The following LDB2 variants were observed in gnomAD, a reference collection of about 807,000 sequenced individuals.
LDB2 encodes the protein LIM domain-binding protein 2.
A neutral mutation model predicts 44.3 loss-of-function variants in LDB2; 12 were observed. The observed-to-expected ratio is 0.27, with a 90% CI of 0.17 to 0.44. LDB2 has a LOEUF of 0.44. Among genes scored for constraint, LDB2 ranks in the 20% least tolerant of loss-of-function variants. LDB2 has a pLI of 1.00. For synonymous variants in LDB2, 164 were observed against 174.8 expected (o/e 0.94, Z 0.49); for missense variants, 344 against 473.5 (o/e 0.73, Z 2.54).
intron 5 of LDB2, among the ~76,000 whole-genome samples, chr4:16,577,646 C>T (rs1234431153): frequency 6.6e-6 from 1 of 152,076 alleles, no homozygotes; most frequent in Non-Finnish European, 1.5e-5. Context: ...CCATACTACC[C>T]AAAGCAATCT....
chr4:16,774,758 T>C (rs1159822929), intron 1 of LDB2, among the ~76,000 whole-genome samples: 1 of 152,180 alleles, frequency 6.6e-6, no homozygotes, highest in African/African-American at 2.4e-5. Flanking sequence ...TTTGTGTTTG[T>C]GTGTGCATGT....
At chr4:16,809,231 T>C (rs1779324636) in intron 1 of LDB2, among the ~76,000 whole-genome samples, 1 of 152,178 alleles carries the variant, frequency 6.6e-6, no homozygotes, top group East Asian at 1.9e-4. Context: ...GATATTGACA[T>C]TGTGAGGTTT....
At chr4:16,829,440 CAATT>C (rs1404248085) in intron 1 of LDB2, among the ~76,000 whole-genome samples, 1 of 152,098 alleles carries the variant, frequency 6.6e-6, no homozygotes, top group African/African-American at 2.4e-5. Context: ...TTTGAAAACA[CAATT>C]TATTTTTTAA....
rs1007391472 is a variant in LDB2, at chr4:16,756,897, C to T, written c.235+2261G>A. 3.4e-5 allele frequency among the ~76,000 whole-genome samples: 5 copies of T among 148,566 alleles called. No homozygotes were observed. The East Asian group carries it at 9.7e-4, about 29-fold the overall frequency. On this transcript the variant is annotated intron_variant, in intron 2 of 7. Coordinates refer to ENST00000304523, the MANE Select transcript of LDB2 (RefSeq NM_001290.5). Reference sequence around the variant, plus strand: ...AATGAAAAGTTTTTTCTAGTAAAGGCTAAAAAAAAAACCCTCAGCTAAAAT... The same window carrying T: ...AATGAAAAGTTTTTTCTAGTAAAGGTTAAAAAAAAAACCCTCAGCTAAAAT...
At chr4:16,886,730 A>T (rs1039935244) in intron 1 of LDB2, among the ~76,000 whole-genome samples, 1 of 152,038 alleles carries the variant, frequency 6.6e-6, no homozygotes, top group African/African-American at 2.4e-5. Flanking sequence ...ATAGCATGAC[A>T]CTAAAGATCA....
At chr4:16,605,185 T>G (rs1002591691) in intron 2 of LDB2, among the ~76,000 whole-genome samples, 5 of 152,204 alleles carry the variant, frequency 3.3e-5, no homozygotes, top group African/African-American at 1.2e-4. Context: ...AGCTCTTGAT[T>G]AGTGATCATG....
At chr4:16,598,128 C>A (rs1721515155) in intron 2 of LDB2, among the ~76,000 whole-genome samples, 1 of 152,148 alleles carries the variant, frequency 6.6e-6, no homozygotes. Flanking sequence ...GGTATTCACG[C>A]CCTTGTGTAC....
intron 2 of LDB2, among the ~76,000 whole-genome samples, chr4:16,611,901 T>C (rs560150818): frequency 1.1e-4 from 17 of 152,216 alleles, no homozygotes; most frequent in Middle Eastern, 3.4e-3. Context: ...CCTAAATCAA[T>C]AGAATATACA....
intron 5 of LDB2, among the ~76,000 whole-genome samples, chr4:16,549,119 A>G (rs1736781174): frequency 6.6e-6 from 1 of 152,216 alleles, no homozygotes; most frequent in South Asian, 2.1e-4. Context: ...TTTTCTAGAT[A>G]TCATAGAGCT....
chr4:16,677,752 C>T (rs191903170), intron 2 of LDB2, among the ~76,000 whole-genome samples: 1 of 152,300 alleles, frequency 6.6e-6, no homozygotes, highest in Non-Finnish European at 1.5e-5. Flanking sequence ...GCCAGATGGG[C>T]TGCCAGGAAA....
chr4:16,505,690 G>A (rs1577225183), intron 7 of LDB2: 4 of 606,472 alleles, frequency 6.6e-6, no homozygotes, highest in East Asian at 6.2e-5. Context: ...GTGTGTCCAC[G>A]AGAGACAACA....
chr4:16,518,360 A>G (rs1724635546), intron 5 of LDB2, among the ~76,000 whole-genome samples: 1 of 152,166 alleles, frequency 6.6e-6, no homozygotes, highest in African/African-American at 2.4e-5. Flanking sequence ...GGCTCTGTCT[A>G]CCATCAACAT....
At chr4:16,742,427 G>A (rs978861900) in intron 2 of LDB2, among the ~76,000 whole-genome samples, 1 of 152,064 alleles carries the variant, frequency 6.6e-6, no homozygotes, top group Admixed American at 6.6e-5. Flanking sequence ...AACTCCAGCT[G>A]GTTTAATGTG....
intron 1 of LDB2, among the ~76,000 whole-genome samples, chr4:16,768,064 T>C (rs1769758887): frequency 6.6e-6 from 1 of 152,216 alleles, no homozygotes; most frequent in Non-Finnish European, 1.5e-5. Context: ...ACGTGGGATT[T>C]TTGCCAGAGT....
At chr4:16,557,291 G>T (rs988588289) in intron 5 of LDB2, among the ~76,000 whole-genome samples, 14 of 152,206 alleles carry the variant, frequency 9.2e-5, no homozygotes, top group Non-Finnish European at 1.5e-4. Flanking sequence ...AGGGGTCAGG[G>T]AGTTCCCTTT....
At chr4:16,700,738 A>T (rs1753253586) in intron 2 of LDB2, among the ~76,000 whole-genome samples, 1 of 152,222 alleles carries the variant, frequency 6.6e-6, no homozygotes, top group East Asian at 1.9e-4. Flanking sequence ...ATCTCACTGA[A>T]TTGTGAGTGA....
intron 2 of LDB2, among the ~76,000 whole-genome samples, chr4:16,723,173 G>A (rs766996050): frequency 3.8e-4 from 58 of 152,076 alleles, no homozygotes; most frequent in Non-Finnish European, 6.9e-4. Context: ...TAAGGTATTA[G>A]GATAACCTAG....
intron 1 of LDB2, among the ~76,000 whole-genome samples, chr4:16,866,047 G>A (rs945705338): frequency 4.6e-5 from 7 of 152,212 alleles, no homozygotes; most frequent in African/African-American, 9.6e-5. Flanking sequence ...CCTTATCTCC[G>A]CATGGAAGTC....
chr4:16,523,406 G>A (rs1422603962), intron 5 of LDB2, among the ~76,000 whole-genome samples: 2 of 152,064 alleles, frequency 1.3e-5, no homozygotes, highest in Admixed American at 6.5e-5. Context: ...TCATTAAGTC[G>A]AGAACTTTTA....
Sources: gnomAD v4.1 joint callset for allele counts (sites outside exome capture counted in the v4.1 genomes callset) on GRCh38, gnomAD v4.1.1 for gene constraint, MANE v1.5 for transcripts, NCBI Gene and HGNC (gene_info 2026-07-23, HGNC 2026-07-21) for gene names.